NRDE2: variants seen among roughly 807,000 people sequenced by gnomAD.
The protein encoded by NRDE2 is NRDE-2, necessary for RNA interference, domain containing.
In NRDE2, 76 loss-of-function variants were observed where a neutral mutation model predicts 124.2. The ratio of observed to expected loss-of-function variants is 0.61; its 90% CI spans 0.51 to 0.74. The LOEUF is 0.74. NRDE2 is among the 30% of genes least tolerant of loss of function. The pLI is 0.00. For missense variants in NRDE2, 1,314 were observed against 1,417.3 expected (o/e 0.93, Z 1.17); for synonymous variants, 489 against 528.1 (o/e 0.93, Z 1.01).
At position 90,272,644 on chromosome 14, in the gene NRDE2, T is replaced by C. The variant is rs1891699938; in HGVS notation, c.*5692A>G. 1 of 394,350 alleles carries C rather than the reference T, an allele frequency of 2.5e-6. No homozygotes were observed. The highest frequency in any genetic ancestry group is 2.1e-5 in the African/African-American group (1 of 47,552). 24.4% of individuals were successfully genotyped at this position (394,350 alleles called of 1,614,324 possible). A position where few individuals can be genotyped will look rare whatever the true frequency, so the allele number is the denominator to read the frequency against. ...ACAAACACTTCCTGTTTCTGCAGTC[T>C]CCACACACACCTACCGCTCAACAGC... On this transcript the variant is annotated 3_prime_UTR_variant, in exon 14 of 14. Coordinates refer to ENST00000354366, the MANE Select transcript of NRDE2 (RefSeq NM_017970.4). This position sits in a 1 kb window ranked among gnomAD's most constrained non-coding sequence, Gnocchi z 4.5.
At chr14:90,305,295 G>C (rs1314726375) in intron 4 of NRDE2, among the ~76,000 whole-genome samples, 1 of 152,254 alleles carries the variant, frequency 6.6e-6, no homozygotes, top group Non-Finnish European at 1.5e-5. Flanking sequence ...AACCTGTGGA[G>C]TAACCAGGAC....
rs890358575 is a variant in NRDE2, at chr14:90,294,078, G to A, written c.1667-1206C>T. 2.6e-5 allele frequency among the ~76,000 whole-genome samples: 4 copies of A among 152,120 alleles called. No homozygotes were observed. In the East Asian group the frequency reaches 5.8e-4, roughly 22 times the overall value. On this transcript the variant is annotated intron_variant, in intron 8 of 13. Coordinates refer to ENST00000354366, the MANE Select transcript of NRDE2 (RefSeq NM_017970.4). ...TCAGTAGGTTGAACAGTTAAGCTGT[G>A]GTCCATTTACACAATGGAATACTAC...
At chr14:90,330,214 A>AAATAAATAAATAAATAAAT (rs1555362756) in intron 1 of NRDE2, among the ~76,000 whole-genome samples, 7 of 139,256 alleles carry the variant, frequency 5.0e-5, no homozygotes, top group African/African-American at 1.4e-4. Flanking sequence ...CTCAAAAAAA[A>AAATAAATAAATAAATAAAT]AAATAAATAA....
chr14:90,331,615 G>A (rs979156886), intron 1 of NRDE2, among the ~76,000 whole-genome samples: 2 of 152,216 alleles, frequency 1.3e-5, no homozygotes, highest in Non-Finnish European at 2.9e-5. Flanking sequence ...CAGGGCATCT[G>A]CTGGTCTTTC....
chr14:90,289,116 CT>C lies in NRDE2; in HGVS notation c.2258del (p.Lys753ArgfsTer4), dbSNP rs749745814. 6.2e-7 allele frequency: 1 copy of C among 1,608,194 alleles called. No homozygotes were observed. The highest frequency in any genetic ancestry group is 8.5e-7 in the Non-Finnish European group (1 of 1,175,654). On this transcript the variant is annotated frameshift_variant, in exon 11 of 14. Transcript: ENST00000354366. LOFTEE classifies it high-confidence loss of function. ...TCTTCCCTTGAGACTTTAATCTCTT[CT>C]TGTTTTTAGTGTGCAGGCACCAAAT... ...KVIWCLHTKN[K>X]KRLKSQGKNC...
intron 12 of NRDE2, chr14:90,280,125 TG>T (rs768075642): frequency 1.4e-4 from 21 of 152,114 alleles, no homozygotes; most frequent in Admixed American, 3.3e-4. Context: ...TTGGTTTTTT[TG>T]GTTTTTTTTT....
intron 13 of NRDE2, 163 bp downstream of exon 13, chr14:90,278,899 A>G (rs1891875427): frequency 3.0e-6 from 2 of 671,878 alleles, no homozygotes; most frequent in Non-Finnish European, 5.4e-6. Context: ...CACAGGGGAC[A>G]GTTTCACCAG....
chr14:90,287,972 C>T (rs1256233320), intron 11 of NRDE2, among the ~76,000 whole-genome samples: 1 of 152,196 alleles, frequency 6.6e-6, no homozygotes. Flanking sequence ...ACAGAAACAA[C>T]ATTCATACTC....
chr14:90,309,537 C>T (rs1000566151), intron 4 of NRDE2, among the ~76,000 whole-genome samples: 19 of 151,324 alleles, frequency 1.3e-4, no homozygotes, highest in Non-Finnish European at 2.4e-4. Flanking sequence ...AATCAAATCA[C>T]GCCTCAATGC....
intron 1 of NRDE2, among the ~76,000 whole-genome samples, chr14:90,324,603 G>A (rs1229458670): frequency 6.6e-6 from 1 of 150,778 alleles, no homozygotes; most frequent in African/African-American, 2.4e-5. Context: ...TTGAGCCCTG[G>A]AGGCAGAGGT....
chr14:90,286,966 G>A lies in NRDE2; in HGVS notation c.3159-474C>T, dbSNP rs557286187. On this transcript the variant is annotated intron_variant, in intron 11 of 13. Transcript: ENST00000354366. ...GGAGAATTGCTTGAACCCGGGAGGC[G>A]GAGGTTGCAGTGAGCTGAGATCACG... is the stretch of plus-strand genomic sequence containing the variant. Among the ~76,000 whole-genome samples the A allele has an allele frequency of 4.8e-5, 7 of 146,114 alleles. No individual in the cohort carries two copies. In the South Asian group the frequency reaches 8.8e-4, roughly 18 times the overall value.
At chr14:90,284,345 T>C (rs1011641242) in intron 12 of NRDE2, among the ~76,000 whole-genome samples, 66 of 150,890 alleles carry the variant, frequency 4.4e-4, no homozygotes, top group Non-Finnish European at 8.4e-4. Context: ...CTTTGTTTTT[T>C]TTCTATTTTT....
intron 6 of NRDE2, 116 bp downstream of exon 6, chr14:90,302,604 T>C: frequency 8.6e-7 from 1 of 1,165,312 alleles, no homozygotes; most frequent in Non-Finnish European, 1.2e-6. Context: ...AAAAATCAGT[T>C]CTATCAAACA....
rs1891756878 is a variant in NRDE2, at chr14:90,274,742, C to G, written c.*3594G>C. On this transcript the variant is annotated 3_prime_UTR_variant, in exon 14 of 14. Transcript: ENST00000354366. ...GGGACAATCTGAGCATCCTAACAAACAGTTACTATTAATGGAATACAGTAT... is the reference window on the plus strand; with the variant it reads ...GGGACAATCTGAGCATCCTAACAAAGAGTTACTATTAATGGAATACAGTAT... 6.6e-6 allele frequency: 1 copy of G among 150,706 alleles called. No homozygotes were observed. The highest frequency in any genetic ancestry group is 2.0e-4 in the East Asian group (1 of 5,006). The allele number at this position is 150,706 out of a possible 1,614,324, so 9.3% of individuals were successfully genotyped here.
intron 8 of NRDE2, among the ~76,000 whole-genome samples, chr14:90,294,380 G>C (rs1292939651): frequency 6.6e-6 from 1 of 151,866 alleles, no homozygotes; most frequent in Non-Finnish European, 1.5e-5. Flanking sequence ...ACTGAAAGCA[G>C]AGTCTCAAAC....
chr14:90,271,259 T>C lies in NRDE2; in HGVS notation c.*7077A>G, dbSNP rs956454492. 6 of 152,200 alleles carry C rather than the reference T, an allele frequency of 3.9e-5. No individual in the cohort carries two copies. Among genetic ancestry groups the C allele is most frequent in the Non-Finnish European group, 7.3e-5 (5 of 68,042 alleles). 9.4% of individuals were successfully genotyped at this position (152,200 alleles called of 1,614,324 possible). ...ACAAACTTCTGTGCCAGGATTGTGT[T>C]TTTTGCCACATCTTGTTTTTGCCAC... On this transcript the variant is annotated 3_prime_UTR_variant, in exon 14 of 14. Transcript: ENST00000354366.
In NRDE2 at chr14:90,278,258, C is replaced by T. The variant is rs779605631; in HGVS notation, c.*78G>A. 177 of 1,562,490 alleles carry T rather than the reference C, an allele frequency of 1.1e-4. No individual in the cohort carries two copies. The highest frequency in any genetic ancestry group is 1.7e-4 in the Middle Eastern group (1 of 5,854). On this transcript the variant is annotated 3_prime_UTR_variant, in exon 14 of 14. Transcript: ENST00000354366. ...AAAAGCCGAGTTCTCCTAACACACA[C>T]GTTCTCTGCTCGCGCCTCCTAGCTC...
At chr14:90,318,221 G>A in intron 1 of NRDE2, 108 bp from the exon 2 acceptor site, 1 of 816,476 alleles carries the variant, frequency 1.2e-6, no homozygotes, top group Non-Finnish European at 2.0e-6. Flanking sequence ...GCCAATGCCA[G>A]CCAGACGTTT....
At chr14:90,286,737 C>A (rs887695164) in intron 11 of NRDE2, among the ~76,000 whole-genome samples, 1 of 152,192 alleles carries the variant, frequency 6.6e-6, no homozygotes, top group African/African-American at 2.4e-5. Context: ...AAAACCCACT[C>A]GCCTCTGTTT....
Sources: allele counts gnomAD v4.1 joint callset (sites outside exome capture counted in the v4.1 genomes callset), GRCh38; gene constraint gnomAD v4.1.1; non-coding constraint Gnocchi (gnomAD v3.1); transcripts MANE v1.5; gene names NCBI Gene and HGNC (gene_info 2026-07-23, HGNC 2026-07-21).